The following RHBDD1 variants were observed in gnomAD, a reference collection of about 807,000 sequenced individuals.
RHBDD1 encodes the protein rhomboid-related protein 4.
In RHBDD1, 38 loss-of-function variants were observed where a neutral mutation model predicts 36.3. The ratio of observed to expected loss-of-function variants is 1.05; its 90% confidence interval spans 0.81 to 1.37. The LOEUF is 1.37. Ranked by LOEUF, RHBDD1 falls within the 40% of genes most tolerant of loss-of-function variation. The pLI, the probability that RHBDD1 is intolerant of heterozygous loss-of-function variation, is 0.00. For synonymous variants in RHBDD1, 151 were observed against 136.5 expected (o/e 1.11, Z -0.74); for missense variants, 393 against 377.6 (o/e 1.04, Z -0.34).
the RHBDD1 span, among the ~76,000 whole-genome samples, chr2:226,803,676 G>A: frequency 6.6e-6 from 1 of 152,186 alleles, no homozygotes; most frequent in African/African-American, 2.4e-5. Context: ...ACTGCCTTCT[G>A]ACATAAACAT....
At chr2:226,891,223 C>G (rs1383746620) in intron 5 of RHBDD1, among the ~76,000 whole-genome samples, 1 of 152,110 alleles carries the variant, frequency 6.6e-6, no homozygotes, top group East Asian at 1.9e-4. Flanking sequence ...GGGGAAGGCT[C>G]CAATGCCAGC....
intron 8 of RHBDD1, among the ~76,000 whole-genome samples, chr2:226,927,575 C>G (rs1949749483): frequency 6.6e-6 from 1 of 151,852 alleles, no homozygotes; most frequent in African/African-American, 2.4e-5. Context: ...GTGTTTGTAC[C>G]AGTTTTCGTT....
intron 8 of RHBDD1, among the ~76,000 whole-genome samples, chr2:226,941,268 G>T (rs1950646639): frequency 6.6e-6 from 1 of 152,094 alleles, no homozygotes; most frequent in Non-Finnish European, 1.5e-5. Flanking sequence ...GACCGGCCTG[G>T]ACTCACATTT....
chr2:226,841,511 G>T (rs996917877), intron 3 of RHBDD1, among the ~76,000 whole-genome samples: 1 of 152,090 alleles, frequency 6.6e-6, no homozygotes, highest in African/African-American at 2.4e-5. Context: ...GTGTCCATGT[G>T]TTCTCATCAT....
At chr2:226,811,261 T>C in the RHBDD1 span, among the ~76,000 whole-genome samples, 4 of 152,066 alleles carry the variant, frequency 2.6e-5, no homozygotes, top group Admixed American at 6.6e-5. Context: ...CAAAGCACTT[T>C]AGTCATGCAG....
chr2:226,898,800 T>C (rs981138282), intron 5 of RHBDD1, among the ~76,000 whole-genome samples: 1 of 152,202 alleles, frequency 6.6e-6, no homozygotes, highest in Middle Eastern at 3.2e-3. Context: ...TTCTGATCAG[T>C]GCAGCCCCTA....
Position 226,922,872 on chromosome 2 carries a change from A to ACAAGCAAG in RHBDD1, c.856+8533_856+8540dup, listed in dbSNP as rs368538686. Among the ~76,000 whole-genome samples, 132 of 152,318 alleles carry ACAAGCAAG rather than the reference A, an allele frequency of 8.7e-4. 4 individuals are homozygous for ACAAGCAAG. The East Asian group carries it at 0.019, about 22-fold the overall frequency. On this transcript the variant is annotated intron_variant, in intron 8 of 8. Coordinates refer to ENST00000392062, the MANE Select transcript of RHBDD1 (RefSeq NM_001167608.3). ...AACTTAACACTGATTGCATAAACAA[A>ACAAGCAAG]CAAGCAAGCAAGCAAGCAAAGAGAA...
chr2:226,867,480 G>C, intron 5 of RHBDD1, 162 bp downstream of exon 5: 2 of 786,766 alleles, frequency 2.5e-6, no homozygotes, highest in Non-Finnish European at 3.1e-6. Context: ...GATATTTCTG[G>C]GTTTGAATCT....
At chr2:226,919,681 T>C (rs1207753706) in intron 8 of RHBDD1, among the ~76,000 whole-genome samples, 1 of 152,120 alleles carries the variant, frequency 6.6e-6, no homozygotes, top group African/African-American at 2.4e-5. Context: ...CACTGATCTA[T>C]GTGTCTGGTT....
intron 8 of RHBDD1, among the ~76,000 whole-genome samples, chr2:226,985,215 A>G (rs1164589271): frequency 2.6e-5 from 4 of 152,228 alleles, no homozygotes; most frequent in African/African-American, 9.6e-5. Flanking sequence ...ATTCAGGATT[A>G]GAACTGGTTA....
chr2:226,824,666 T>G, the RHBDD1 span, among the ~76,000 whole-genome samples: 1 of 152,186 alleles, frequency 6.6e-6, no homozygotes, highest in Admixed American at 6.5e-5. Flanking sequence ...TAGCAATACT[T>G]CTACAAATTT....
chr2:226,941,755 G>A (rs528779608), intron 8 of RHBDD1, among the ~76,000 whole-genome samples: 1 of 152,246 alleles, frequency 6.6e-6, no homozygotes, highest in African/African-American at 2.4e-5. Context: ...ACATAGAAAA[G>A]CCACTTCGCA....
At chr2:226,847,024 A>G (rs16822751) in intron 3 of RHBDD1, among the ~76,000 whole-genome samples, 3,918 of 152,330 alleles carry the variant, frequency 0.026, 70 homozygotes, top group Non-Finnish European at 0.041. Context: ...GTGGATAGGT[A>G]TAGCTCATAA....
At chr2:226,814,825 G>A in the RHBDD1 span, among the ~76,000 whole-genome samples, 2 of 152,176 alleles carry the variant, frequency 1.3e-5, no homozygotes, top group African/African-American at 4.8e-5. Context: ...AAAAGCATTA[G>A]CCAGAAGTCA....
intron 6 of RHBDD1, 180 bp downstream of exon 6, chr2:226,907,061 A>G: frequency 1.5e-6 from 1 of 662,724 alleles, no homozygotes. Flanking sequence ...GCTCCACAAA[A>G]GAGGCTGCAA....
chr2:226,896,191 G>C (rs1424960748), intron 5 of RHBDD1, among the ~76,000 whole-genome samples: 2 of 152,140 alleles, frequency 1.3e-5, no homozygotes, highest in Non-Finnish European at 2.9e-5. Context: ...CTTCTGATTA[G>C]ATGTCTCTAT....
intron 5 of RHBDD1, among the ~76,000 whole-genome samples, chr2:226,906,011 G>C (rs16822905): frequency 0.43 from 65,041 of 151,786 alleles, 14,128 homozygotes; most frequent in South Asian, 0.5. Context: ...TTTGAGAATC[G>C]CCAGTAATTT....
intron 4 of RHBDD1, 101 bp downstream of exon 4, chr2:226,865,227 GT>G: frequency 1.1e-6 from 1 of 911,590 alleles, no homozygotes; most frequent in East Asian, 2.4e-5. Flanking sequence ...ATTCTGAGTG[GT>G]TAAGGGCTGC....
At chr2:226,900,015 T>C (rs1275486555) in intron 5 of RHBDD1, among the ~76,000 whole-genome samples, 1 of 152,194 alleles carries the variant, frequency 6.6e-6, no homozygotes, top group Admixed American at 6.5e-5. Flanking sequence ...GGTGCTGATG[T>C]CTGAAATTCT....
Sources: allele counts gnomAD v4.1 joint callset (sites outside exome capture counted in the v4.1 genomes callset), GRCh38; gene constraint gnomAD v4.1.1; transcripts MANE v1.5; gene names NCBI Gene and HGNC (gene_info 2026-07-23, HGNC 2026-07-21).